Variants in STK4 observed in about 807,000 individuals in gnomAD.
STK4 encodes serine/threonine kinase 4.
In STK4, 30 loss-of-function variants were observed where a neutral mutation model predicts 64.9. The ratio of observed to expected loss-of-function variants is 0.46; its 90% confidence interval spans 0.35 to 0.63. The LOEUF is 0.63. Among genes scored for constraint, STK4 ranks in the 20% least tolerant of loss-of-function variants. STK4 has a pLI of 0.01. For missense variants in STK4, 466 were observed against 598.5 expected, an observed-to-expected ratio of 0.78 and a Z score of 2.31; for synonymous variants, 177 against 199.0, an observed-to-expected ratio of 0.89 and a Z score of 0.93.
chr20:44,988,671 C>G lies in STK4; in HGVS notation c.525+1375C>G, dbSNP rs537674110. On this transcript the variant is annotated intron_variant, in intron 5 of 10. Transcript: ENST00000372806. ...CCTGCCTTGGCAGAATTTTTCTCCC[C>G]TTTTAATATGTACAATTCAGTGTTT... Among the ~76,000 whole-genome samples the G allele has an allele frequency of 1.4e-4, 21 of 150,918 alleles. No homozygotes were observed. In the East Asian group the frequency reaches 3.9e-3, roughly 28 times the overall value.
chr20:44,973,233 A>G (rs1459845074), intron 2 of STK4: 1 of 152,206 alleles, frequency 6.6e-6, no homozygotes, highest in African/African-American at 2.4e-5. Flanking sequence ...CCAATCCTGG[A>G]TTACATGAAA....
intron 4 of STK4, among the ~76,000 whole-genome samples, chr20:44,985,045 T>G (rs2067508699): frequency 6.6e-6 from 1 of 152,224 alleles, no homozygotes; most frequent in Non-Finnish European, 1.5e-5. Context: ...TTAACTTAAC[T>G]GGTTAGAATA....
chr20:44,985,918 T>G (rs6031913), intron 4 of STK4, among the ~76,000 whole-genome samples: 1 of 152,204 alleles, frequency 6.6e-6, no homozygotes, highest in Non-Finnish European at 1.5e-5. Flanking sequence ...CTGAGTTGTT[T>G]GTCAGAAGGG....
intron 10 of STK4, among the ~76,000 whole-genome samples, chr20:45,069,330 A>G (rs915974551): frequency 2.0e-5 from 3 of 152,246 alleles, no homozygotes; most frequent in Non-Finnish European, 4.4e-5. Context: ...ACCCACCTTC[A>G]GTAGCAAGCC....
rs999292171 is a variant in STK4 at position 45,008,518 on chromosome 20, T to C, written c.1147+7165T>C. 4.6e-5 allele frequency among the ~76,000 whole-genome samples: 7 copies of C among 152,254 alleles called. No homozygotes were observed. The East Asian group carries it at 1.2e-3, about 25-fold the overall frequency. On this transcript the variant is annotated intron_variant, in intron 9 of 10. Transcript: ENST00000372806. ...TGTGGTGGTCAACTCATCGTATGAA[T>C]GCATGTGCATTTTTGGTAAAATGAT...
rs779721885 is a variant in STK4, at chr20:45,071,869, G to T, written c.1306-3149G>T. Among the ~76,000 whole-genome samples, 7 of 151,958 alleles carry T rather than the reference G, an allele frequency of 4.6e-5. No individual in the cohort carries two copies. The South Asian group carries it at 1.5e-3, about 32-fold the overall frequency. On this transcript the variant is annotated intron_variant, in intron 10 of 10. Transcript: ENST00000372806. ...CTGCAGCCTTGGAGTGGGCTCAAGC[G>T]ATCCTCCCATCTCAGCATCCTAAGT...
intron 10 of STK4, among the ~76,000 whole-genome samples, chr20:45,027,214 A>G (rs569148804): frequency 3.9e-5 from 6 of 152,182 alleles, no homozygotes; most frequent in Non-Finnish European, 8.8e-5. Flanking sequence ...CAATCACCTT[A>G]GGTCAGGAGT....
At chr20:45,025,178 T>G (rs1357888621) in intron 10 of STK4, 48 bp downstream of exon 10, 3 of 1,568,454 alleles carry the variant, frequency 1.9e-6, no homozygotes, top group Non-Finnish European at 2.6e-6. Flanking sequence ...GGAAGTTATT[T>G]GAAATATCAC....
At chr20:45,058,084 C>T (rs1210416677) in intron 10 of STK4, among the ~76,000 whole-genome samples, 1 of 150,160 alleles carries the variant, frequency 6.7e-6, no homozygotes. Context: ...CACACACACA[C>T]ACACCCCTAC....
At chr20:44,976,032 G>A (rs562702664) in intron 2 of STK4, among the ~76,000 whole-genome samples, 6 of 152,290 alleles carry the variant, frequency 3.9e-5, no homozygotes, top group African/African-American at 1.2e-4. Flanking sequence ...TTTTCAAAAA[G>A]ATCAAGGAGG....
chr20:45,072,827 A>G (rs1470721550), intron 10 of STK4, among the ~76,000 whole-genome samples: 3 of 152,254 alleles, frequency 2.0e-5, no homozygotes, highest in Non-Finnish European at 4.4e-5. Context: ...TCATATGTAC[A>G]ATAATAATAA....
intron 4 of STK4, among the ~76,000 whole-genome samples, chr20:44,982,978 G>C (rs573854647): frequency 5.9e-5 from 9 of 152,136 alleles, no homozygotes; most frequent in Admixed American, 4.6e-4. Flanking sequence ...GTTGAGGAAG[G>C]TCACTCAGAA....
intron 10 of STK4, among the ~76,000 whole-genome samples, chr20:45,025,613 T>A (rs1294879383): frequency 1.3e-5 from 2 of 152,210 alleles, no homozygotes; most frequent in Admixed American, 6.5e-5. Flanking sequence ...TGGATGTGTT[T>A]TCCTTTCTCT....
At chr20:45,011,729 A>ATATATATATATATATTTT (rs60170856) in intron 9 of STK4, among the ~76,000 whole-genome samples, 6 of 115,384 alleles carry the variant, frequency 5.2e-5, no homozygotes, top group African/African-American at 2.2e-4. Flanking sequence ...ATATATATAT[A>ATATATATATATATATTTT]TTTTTTTTTT....
intron 1 of STK4, among the ~76,000 whole-genome samples, chr20:44,968,415 G>A (rs1010776642): frequency 6.6e-6 from 1 of 152,200 alleles, no homozygotes. Flanking sequence ...GGGATTACAG[G>A]CGTGAGCCAC....
intron 10 of STK4, among the ~76,000 whole-genome samples, chr20:45,064,111 G>A (rs574193390): frequency 6.6e-6 from 1 of 151,824 alleles, no homozygotes; most frequent in Non-Finnish European, 1.5e-5. Flanking sequence ...CCCGGCCAAG[G>A]GGGGGGGTCC....
chr20:45,071,988 TC>T (rs962925151), intron 10 of STK4, among the ~76,000 whole-genome samples: 2 of 152,076 alleles, frequency 1.3e-5, no homozygotes, highest in Non-Finnish European at 2.9e-5. Context: ...GGTCTGGAGT[TC>T]CTGGGCTCAA....
intron 9 of STK4, among the ~76,000 whole-genome samples, chr20:45,005,299 C>T (rs1378799618): frequency 1.3e-5 from 2 of 151,918 alleles, no homozygotes; most frequent in Non-Finnish European, 2.9e-5. Context: ...TTTCAAACTG[C>T]CTCTCTCATA....
chr20:45,012,039 A>AT lies in STK4; in HGVS notation c.1147+10701dup, dbSNP rs1295816943. On this transcript the variant is annotated intron_variant, in intron 9 of 10. Transcript: ENST00000372806. Reference sequence around the variant, plus strand: ...TTTATATCACTCTTCTCCGATACAAATTTTTTTTTTTTTTTGAGATGGAGT... The same window carrying AT: ...TTTATATCACTCTTCTCCGATACAAATTTTTTTTTTTTTTTTGAGATGGAGT... 4.9e-3 allele frequency among the ~76,000 whole-genome samples: 704 copies of AT among 142,286 alleles called. 2 individuals carry two copies. The highest frequency in any genetic ancestry group is 0.011 in the African/African-American group (446 of 38,952). The allele number at this position is 142,286 out of a possible 152,430, so 93.3% of individuals were successfully genotyped here.
Sources: gnomAD v4.1 joint callset for allele counts (sites outside exome capture counted in the v4.1 genomes callset) on GRCh38, gnomAD v4.1.1 for gene constraint, MANE v1.5 for transcripts, NCBI Gene and HGNC (gene_info 2026-07-23, HGNC 2026-07-21) for gene names.